The following RYR3 variants were observed in gnomAD, a reference collection of about 807,000 sequenced individuals.
RYR3 encodes brain ryanodine receptor-calcium release channel.
RYR3 carries 207 observed loss-of-function variants against 584.3 expected under a neutral mutation model. The ratio of observed to expected loss-of-function variants is 0.35; its 90% CI spans 0.32 to 0.40. The LOEUF (loss-of-function observed/expected upper bound fraction) is 0.40. RYR3 is among the 10% of genes least tolerant of loss of function. The pLI is 1.00. For missense variants in RYR3, 5,616 were observed against 6,089.2 expected, an observed-to-expected ratio of 0.92 and a Z score of 2.59; for synonymous variants, 2,416 against 2,248.5, an observed-to-expected ratio of 1.07 and a Z score of -2.11.
chr15:33,689,886 A>G (rs2065293002), intron 38 of RYR3, among the ~76,000 whole-genome samples: 1 of 152,198 alleles, frequency 6.6e-6, no homozygotes, highest in Non-Finnish European at 1.5e-5. Context: ...GTGGGTAATA[A>G]TTGTGTCTTG....
chr15:33,703,294 C>A (rs11072621), intron 42 of RYR3, among the ~76,000 whole-genome samples: 120,788 of 152,178 alleles, frequency 0.79, 47,939 homozygotes, highest in South Asian at 0.9. Context: ...TCCTTGTAGT[C>A]AGAGAGGATA....
At chr15:33,652,129 G>A (rs1315466429) in intron 31 of RYR3, among the ~76,000 whole-genome samples, 3 of 152,194 alleles carry the variant, frequency 2.0e-5, no homozygotes, top group African/African-American at 7.2e-5. Context: ...AGCCAGTAGT[G>A]CGGGAGGCAG....
chr15:33,472,874 C>G (rs1336782984), intron 1 of RYR3, among the ~76,000 whole-genome samples: 1 of 152,086 alleles, frequency 6.6e-6, no homozygotes, highest in Non-Finnish European at 1.5e-5. Context: ...AAACCCATCT[C>G]CTTCACCCTC....
intron 1 of RYR3, among the ~76,000 whole-genome samples, chr15:33,341,367 GT>G (rs2140836448): frequency 6.6e-6 from 1 of 152,120 alleles, no homozygotes; most frequent in South Asian, 2.1e-4. Flanking sequence ...ATTTGAACAT[GT>G]TTTCAGATGC....
Position 33,830,851 on chromosome 15 carries a change from A to C in RYR3, c.11335-112A>C, listed in dbSNP as rs935292797. ...CTTCACAGGGTCCCTGGCTCCTGTC[A>C]GAGCAAAGAGGTCATAGAGATGCAG... is the stretch of plus-strand genomic sequence containing the variant. On this transcript the variant is annotated intron_variant, in intron 85 of 103. Coordinates refer to ENST00000634891, the MANE Select transcript of RYR3 (RefSeq NM_001036.6). The C allele has an allele frequency of 1.4e-5, 15 of 1,109,434 alleles. No homozygotes were observed. In the African/African-American group the frequency reaches 2.4e-4, roughly 17 times the overall value. 68.7% of individuals were successfully genotyped at this position (1,109,434 alleles called of 1,614,324 possible). A position where few individuals can be genotyped will look rare whatever the true frequency, so the allele number is the denominator to read the frequency against.
chr15:33,433,379 GC>G, intron 1 of RYR3, among the ~76,000 whole-genome samples: 1 of 152,210 alleles, frequency 6.6e-6, no homozygotes, highest in Middle Eastern at 3.4e-3. Context: ...GCTTGGATTT[GC>G]ATCTAAAGCT....
In RYR3 at chr15:33,633,017, A is replaced by T; in HGVS notation, c.2936A>T (p.Gln979Leu). The T allele has an allele frequency of 6.2e-7, 1 of 1,614,016 alleles. No homozygotes were observed. The highest frequency in any genetic ancestry group is 8.5e-7 in the Non-Finnish European group (1 of 1,179,880). Residue 979 changes from glutamine to leucine, a missense_variant, in exon 24 of 104, where the codon CAA becomes CTA. Gln to Leu is a moderately radical substitution (Grantham distance 113). Around this residue, in one of 9 missense-constraint regions of RYR3, gnomAD observed 1,284 missense variants for 1,344.6 expected, o/e 0.95. Coordinates refer to ENST00000634891, the MANE Select transcript of RYR3 (RefSeq NM_001036.6). ...TCTGATGTGAAGCTGTTACCTCCTC[A>T]AGAAATTTTAGTGGATAAGCTTGCA... ...DLSDVKLLPPQEILVDKLAEN... is the reference protein window; with the variant it reads ...DLSDVKLLPPLEILVDKLAEN...
At chr15:33,460,940 C>CTT (rs66742049) in intron 1 of RYR3, among the ~76,000 whole-genome samples, 2,302 of 79,168 alleles carry the variant, frequency 0.029, 189 homozygotes, top group Non-Finnish European at 0.037. Flanking sequence ...TAATATCCAC[C>CTT]TTTTTTTTTT....
chr15:33,825,503 C>A, intron 81 of RYR3, 100 bp from the exon 82 acceptor site: 1 of 731,134 alleles, frequency 1.4e-6, no homozygotes, highest in Non-Finnish European at 2.4e-6. Context: ...TACGATAACA[C>A]AGGGGCAGGA....
At chr15:33,373,366 C>T (rs538760210) in intron 1 of RYR3, among the ~76,000 whole-genome samples, 7 of 152,252 alleles carry the variant, frequency 4.6e-5, no homozygotes, top group African/African-American at 1.7e-4. Context: ...ACAGACTTTC[C>T]ACAAGGTACA....
chr15:33,340,397 T>G (rs906099506), intron 1 of RYR3, among the ~76,000 whole-genome samples: 4 of 152,208 alleles, frequency 2.6e-5, no homozygotes, highest in Non-Finnish European at 4.4e-5. Context: ...ATCATTTAAT[T>G]AAAATGTAAA....
intron 67 of RYR3, among the ~76,000 whole-genome samples, chr15:33,796,254 C>T (rs1227436856): frequency 6.6e-6 from 1 of 152,168 alleles, no homozygotes; most frequent in East Asian, 1.9e-4. Flanking sequence ...CCTGCCTCAG[C>T]CTCCCGAGTA....
intron 38 of RYR3, among the ~76,000 whole-genome samples, chr15:33,679,701 A>G (rs1241483602): frequency 6.6e-6 from 1 of 152,088 alleles, no homozygotes; most frequent in Admixed American, 6.6e-5. Flanking sequence ...CCTGACCAGT[A>G]CTCTTGTTCC....
chr15:33,581,697 G>T, intron 14 of RYR3, 54 bp downstream of exon 14: 1 of 1,496,086 alleles, frequency 6.7e-7, no homozygotes, highest in Non-Finnish European at 9.3e-7. Context: ...GGATTTCCAC[G>T]TGCAATCCCA....
At chr15:33,334,015 C>G (rs185419623) in intron 1 of RYR3, among the ~76,000 whole-genome samples, 98 of 152,270 alleles carry the variant, frequency 6.4e-4, no homozygotes, top group Non-Finnish European at 1.1e-3. Flanking sequence ...ACAACCACTG[C>G]TCAAGTAAAT....
rs1967194022 is a variant in RYR3, at chr15:33,311,148, A to AGCGCGGC, written c.51+54_51+60dup. 1 of 1,432,176 alleles carries AGCGCGGC rather than the reference A, an allele frequency of 7.0e-7. No individual in the cohort carries two copies. The highest frequency in any genetic ancestry group is 2.1e-5 in the Admixed American group (1 of 47,038). 88.7% of individuals were successfully genotyped at this position (1,432,176 alleles called of 1,614,324 possible). A position where few individuals can be genotyped will look rare whatever the true frequency, so the allele number is the denominator to read the frequency against. ...CGTGGGCAGGTGGGGAGGAGCGCGGAGCGCGGCGAGGAGGGGCTGGCTGCG... is the reference window on the plus strand; with the variant it reads ...CGTGGGCAGGTGGGGAGGAGCGCGGAGCGCGGCGCGCGGCGAGGAGGGGCTGGCTGCG... On this transcript the variant is annotated intron_variant, in intron 1 of 103. Coordinates refer to ENST00000634891, the MANE Select transcript of RYR3 (RefSeq NM_001036.6). This position sits in a 1 kb window ranked among gnomAD's most constrained non-coding sequence, Gnocchi z 4.4.
chr15:33,705,733 C>A (rs887562539), intron 42 of RYR3, among the ~76,000 whole-genome samples: 1 of 152,192 alleles, frequency 6.6e-6, no homozygotes, highest in African/African-American at 2.4e-5. Context: ...GCCATCCCAA[C>A]CTCAACATCT....
intron 1 of RYR3, among the ~76,000 whole-genome samples, chr15:33,406,374 G>T (rs2043017233): frequency 6.6e-6 from 1 of 152,122 alleles, no homozygotes; most frequent in Non-Finnish European, 1.5e-5. Context: ...CCCCTCTCAG[G>T]AATCTTTCAG....
chr15:33,731,687 A>C lies in RYR3; in HGVS notation c.7417A>C (p.Ile2473Leu). ...RDTIEECLLA[I>L]CNHLRPSMLQ... ...CACTATAGAAGAATGTTTGCTTGCC[A>C]TTTGCAAGTAAGTACATATCCTATG... is the stretch of plus-strand genomic sequence containing the variant. Residue 2473 changes from isoleucine (I) to leucine (L), a missense_variant, in exon 48 of 104, where the codon ATT (isoleucine) becomes CTT (leucine). Ile to Leu is a conservative substitution (Grantham distance 5, BLOSUM62 2). Transcript: ENST00000634891. The C allele has an allele frequency of 6.2e-7, 1 of 1,603,592 alleles. No individual in the cohort carries two copies. Among genetic ancestry groups the C allele is most frequent in the Non-Finnish European group, 8.5e-7 (1 of 1,171,012 alleles).
Sources: gnomAD v4.1 joint callset for allele counts (sites outside exome capture counted in the v4.1 genomes callset) on GRCh38, gnomAD v4.1.1 for gene constraint, gnomAD v4.1.1 regional missense constraint, Gnocchi (gnomAD v3.1) non-coding constraint, MANE v1.5 for transcripts, NCBI Gene and HGNC (gene_info 2026-07-23, HGNC 2026-07-21) for gene names.